The following DNAL1 variants were observed in gnomAD, a reference collection of about 807,000 sequenced individuals.
DNAL1 encodes chromosome 14 open reading frame 168.
DNAL1 carries 17 observed loss-of-function variants against 29.4 expected under a neutral mutation model. The ratio of observed to expected loss-of-function variants is 0.58; its 90% confidence interval spans 0.40 to 0.87. The LOEUF is 0.87. Ranked by LOEUF, DNAL1 falls within the 40% of genes least tolerant of loss-of-function variation. The probability of loss-of-function intolerance (pLI) is 0.00; values close to 1 mark genes in which losing one functional copy is unlikely to be tolerated. For synonymous variants in DNAL1, 78 were observed against 76.3 expected (o/e 1.02, Z -0.12); for missense variants, 188 against 214.1 (o/e 0.88, Z 0.76).
At chr14:73,652,387 G>C (rs1407343572) in intron 1 of DNAL1, among the ~76,000 whole-genome samples, 1 of 152,022 alleles carries the variant, frequency 6.6e-6, no homozygotes, top group Admixed American at 6.6e-5. Context: ...TCAGCCTCCA[G>C]AGTAGCTGGC....
rs570226720 is a variant in DNAL1 at position 73,683,896 on chromosome 14, G to A, written c.265-3363G>A. On this transcript the variant is annotated intron_variant, in intron 5 of 7. Coordinates refer to ENST00000553645, the MANE Select transcript of DNAL1 (RefSeq NM_031427.4). ...CTAATTTTATATGTTTAGTAGAGAC[G>A]GGGTTTCACCATGTTGGTCAGGCTG... Among the ~76,000 whole-genome samples, 8 of 151,870 alleles carry A rather than the reference G, an allele frequency of 5.3e-5. No individual in the cohort carries two copies. The East Asian group carries it at 5.8e-4, about 11-fold the overall frequency.
rs1892408384 is a variant in DNAL1, at chr14:73,700,485, C to T, written c.*4543C>T. ...ATAAGAAATGAATCTTGACTGTTGA[C>T]TTATTCTGAGAATTGGTGATGTGTA... is the stretch of plus-strand genomic sequence containing the variant. On this transcript the variant is annotated 3_prime_UTR_variant, in exon 8 of 8. Coordinates refer to ENST00000553645, the MANE Select transcript of DNAL1 (RefSeq NM_031427.4). 6.6e-6 allele frequency: 1 copy of T among 152,184 alleles called. No individual in the cohort carries two copies. Among genetic ancestry groups the T allele is most frequent in the Non-Finnish European group, 1.5e-5 (1 of 68,036 alleles). The allele number at this position is 152,184 out of a possible 1,614,324, so 9.4% of individuals were successfully genotyped here. A position where few individuals can be genotyped will look rare whatever the true frequency, so the allele number is the denominator to read the frequency against.
chr14:73,673,427 A>G (rs1891660148), intron 5 of DNAL1, among the ~76,000 whole-genome samples: 2 of 152,190 alleles, frequency 1.3e-5, no homozygotes, highest in Non-Finnish European at 2.9e-5. Flanking sequence ...AATTATAAAT[A>G]TAGGATTAAA....
At chr14:73,683,698 T>G (rs1191467253) in intron 5 of DNAL1, among the ~76,000 whole-genome samples, 1 of 140,812 alleles carries the variant, frequency 7.1e-6, no homozygotes, top group East Asian at 1.9e-4. Flanking sequence ...ATTTATTTAT[T>G]TATTATTATT....
intron 5 of DNAL1, among the ~76,000 whole-genome samples, chr14:73,685,555 G>A (rs755368552): frequency 6.6e-6 from 1 of 151,304 alleles, no homozygotes; most frequent in Non-Finnish European, 1.5e-5. Flanking sequence ...TACCTCCCAG[G>A]TTCAAGTGAT....
intron 6 of DNAL1, among the ~76,000 whole-genome samples, chr14:73,688,662 T>C (rs1338003365): frequency 6.6e-6 from 1 of 152,136 alleles, no homozygotes; most frequent in Non-Finnish European, 1.5e-5. Context: ...AGTTCTGCAA[T>C]ACAGATTTGA....
chr14:73,693,927 G>A (rs988733490), intron 7 of DNAL1, among the ~76,000 whole-genome samples: 4 of 151,946 alleles, frequency 2.6e-5, no homozygotes, highest in Admixed American at 6.6e-5. Flanking sequence ...TATGTTGCGC[G>A]TCAACAAAAA....
chr14:73,691,313 G>A (rs1442775554), intron 7 of DNAL1, among the ~76,000 whole-genome samples: 1 of 152,122 alleles, frequency 6.6e-6, no homozygotes, highest in African/African-American at 2.4e-5. Context: ...ACTTTGGGAG[G>A]CCGAGGTGGG....
intron 4 of DNAL1, among the ~76,000 whole-genome samples, chr14:73,665,238 T>C (rs964788193): frequency 2.0e-5 from 3 of 152,162 alleles, no homozygotes; most frequent in Non-Finnish European, 2.9e-5. Context: ...TCAGTACTTA[T>C]ACAGTGCTGG....
Position 73,651,932 on chromosome 14 carries a change from C to T in DNAL1, c.4-2915C>T, listed in dbSNP as rs141358509. ...TCAGCCTCCCAAAGTGCTAGGATTA[C>T]AGGCGTGAGCCACTGTGCCCAGCCA... On this transcript the variant is annotated intron_variant, in intron 1 of 7. Coordinates refer to ENST00000553645, the MANE Select transcript of DNAL1 (RefSeq NM_031427.4). Among the ~76,000 whole-genome samples, 1,229 of 152,316 alleles carry T rather than the reference C, an allele frequency of 8.1e-3. 24 individuals are homozygous for T. Among genetic ancestry groups the T allele is most frequent in the African/African-American group, 0.028 (1,165 of 41,564 alleles).
intron 1 of DNAL1, among the ~76,000 whole-genome samples, chr14:73,650,761 C>G (rs1481171876): frequency 1.3e-5 from 2 of 152,088 alleles, no homozygotes; most frequent in East Asian, 3.9e-4. Context: ...CAGGTGTGAG[C>G]CACTGTGCCT....
chr14:73,646,826 T>C (rs1268382183), intron 1 of DNAL1, among the ~76,000 whole-genome samples: 1 of 152,168 alleles, frequency 6.6e-6, no homozygotes, highest in Non-Finnish European at 1.5e-5. Flanking sequence ...CACTGTCTTA[T>C]ATGTGGTTGG....
chr14:73,693,307 A>C (rs903168177), intron 7 of DNAL1, among the ~76,000 whole-genome samples: 1 of 152,164 alleles, frequency 6.6e-6, no homozygotes, highest in Middle Eastern at 3.2e-3. Context: ...GTGACCCAGC[A>C]ATTTCCCTCC....
At chr14:73,692,652 C>T (rs1395480971) in intron 7 of DNAL1, among the ~76,000 whole-genome samples, 1 of 151,596 alleles carries the variant, frequency 6.6e-6, no homozygotes, top group Non-Finnish European at 1.5e-5. Context: ...CAATGTAGAA[C>T]TTGAATAGAC....
At chr14:73,657,325 C>T (rs1016116633) in intron 2 of DNAL1, among the ~76,000 whole-genome samples, 5 of 152,124 alleles carry the variant, frequency 3.3e-5, no homozygotes, top group Non-Finnish European at 7.4e-5. Context: ...GGACCACAGT[C>T]GTGTGCCACC....
At chr14:73,646,437 A>G (rs1348745639) in intron 1 of DNAL1, among the ~76,000 whole-genome samples, 2 of 152,034 alleles carry the variant, frequency 1.3e-5, no homozygotes, top group African/African-American at 2.4e-5. Flanking sequence ...GAAACAAGGT[A>G]TTTGTGTATT....
chr14:73,689,464 A>G lies in DNAL1; in HGVS notation c.481A>G (p.Asn161Asp), dbSNP rs1422355063. The change falls in exon 7 of 8, where the codon AAC becomes GAC. Residue 161 changes from asparagine (N) to aspartate (D), a missense_variant. Coordinates refer to ENST00000553645, the MANE Select transcript of DNAL1 (RefSeq NM_031427.4). ...PLEEKHSAEN[N>D]WIEEATKRVP... ...GGAAGAGAAACATTCTGCTGAGAAT[A>G]ACTGGATTGAAGAAGCAACCAAGAG... 1.3e-6 allele frequency: 2 copies of G among 1,576,442 alleles called. No homozygotes were observed. The highest frequency in any genetic ancestry group is 1.3e-5 in the African/African-American group (1 of 74,144).
intron 1 of DNAL1, among the ~76,000 whole-genome samples, chr14:73,648,844 C>T (rs1437560247): frequency 6.6e-6 from 1 of 150,998 alleles, no homozygotes; most frequent in East Asian, 1.9e-4. Context: ...AAATATTGGT[C>T]CTCATTGGTT....
chr14:73,649,163 C>CG (rs374432353), intron 1 of DNAL1, among the ~76,000 whole-genome samples: 1 of 151,128 alleles, frequency 6.6e-6, no homozygotes, highest in Non-Finnish European at 1.5e-5. Flanking sequence ...TTAGTAGAGA[C>CG]GGGGGTCTCC....
Sources: allele counts gnomAD v4.1 joint callset (sites outside exome capture counted in the v4.1 genomes callset), GRCh38; gene constraint gnomAD v4.1.1; transcripts MANE v1.5; gene names NCBI Gene and HGNC (gene_info 2026-07-23, HGNC 2026-07-21).